The following SNX29 variants were observed in gnomAD, a reference collection of about 807,000 sequenced individuals.
SNX29 encodes the protein sorting nexin 29.
A neutral mutation model predicts 102.1 loss-of-function variants in SNX29; 78 were observed. That is an observed-to-expected ratio of 0.76 (90% confidence interval 0.64 to 0.92). The LOEUF is 0.92. SNX29 is among the 40% of genes least tolerant of loss of function. The pLI is 0.00. For missense variants in SNX29, 1,280 were observed against 1,061.7 expected, an observed-to-expected ratio of 1.21 and a Z score of -2.86; for synonymous variants, 580 against 414.5, an observed-to-expected ratio of 1.40 and a Z score of -4.85.
chr16:12,425,074 G>C (rs1288026550), intron 18 of SNX29, among the ~76,000 whole-genome samples: 2 of 152,204 alleles, frequency 1.3e-5, no homozygotes, highest in African/African-American at 4.8e-5. Flanking sequence ...AAAGAAACTA[G>C]GTACAAAAAG....
At chr16:12,537,070 T>G (rs1021918951) in intron 20 of SNX29, among the ~76,000 whole-genome samples, 2 of 152,194 alleles carry the variant, frequency 1.3e-5, no homozygotes, top group African/African-American at 4.8e-5. Flanking sequence ...GGAGACGATG[T>G]AGATTTATCC....
At chr16:12,543,905 G>T (rs2077461807) in intron 20 of SNX29, among the ~76,000 whole-genome samples, 1 of 152,210 alleles carries the variant, frequency 6.6e-6, no homozygotes, top group South Asian at 2.1e-4. Context: ...CTTCATCCTG[G>T]ATTGCCGAAG....
chr16:12,380,842 CCCACCATCTATCCATCCA>C (rs1567503375), intron 16 of SNX29, among the ~76,000 whole-genome samples: 1 of 53,006 alleles, frequency 1.9e-5, no homozygotes, highest in Non-Finnish European at 5.2e-5. Context: ...CACCCACCCA[CCCACCATCTATCCATCCA>C]CCCACCATCT....
intron 18 of SNX29, among the ~76,000 whole-genome samples, chr16:12,417,344 C>G (rs972391464): frequency 8.5e-5 from 13 of 152,196 alleles, no homozygotes; most frequent in South Asian, 2.1e-4. Flanking sequence ...CCGCCTCTGT[C>G]CAGGTGTCTT....
chr16:12,060,144 C>CA (rs201847438), intron 8 of SNX29, among the ~76,000 whole-genome samples: 24,586 of 149,952 alleles, frequency 0.16, 2,618 homozygotes, highest in East Asian at 0.43. Flanking sequence ...AAAATATTAC[C>CA]AAAAAAAAAC....
At chr16:12,503,949 T>G (rs953721086) in intron 19 of SNX29, among the ~76,000 whole-genome samples, 1 of 152,214 alleles carries the variant, frequency 6.6e-6, no homozygotes, top group Admixed American at 6.5e-5. Context: ...CACAAGTCAG[T>G]GGCTCTTAGT....
At chr16:12,162,881 CT>C (rs1315061631) in intron 13 of SNX29, among the ~76,000 whole-genome samples, 1 of 152,016 alleles carries the variant, frequency 6.6e-6, no homozygotes, top group Non-Finnish European at 1.5e-5. Context: ...ATAGTTGTTG[CT>C]TTGTTTTTCT....
At chr16:12,083,317 A>C (rs1222522156) in intron 11 of SNX29, among the ~76,000 whole-genome samples, 4 of 151,774 alleles carry the variant, frequency 2.6e-5, no homozygotes, top group East Asian at 1.9e-4. Context: ...AAAAAAAAAA[A>C]AACCCCTCAA....
Position 12,569,188 on chromosome 16 carries a change from C to CTGGCACTG in SNX29, c.*561_*568dup. On this transcript the variant is annotated 3_prime_UTR_variant, in exon 21 of 21. Transcript: ENST00000566228. ...TTTTCCACCAACAGTCATTAGACAC[C>CTGGCACTG]TGGCACTGTCACAGCTCACTTTTCC... 4.6e-6 allele frequency: 1 copy of CTGGCACTG among 216,928 alleles called. No homozygotes were observed. The highest frequency in any genetic ancestry group is 9.2e-6 in the Non-Finnish European group (1 of 108,800). 13.4% of individuals were successfully genotyped at this position (216,928 alleles called of 1,614,324 possible).
chr16:12,309,409 C>T (rs1485319515), intron 15 of SNX29, among the ~76,000 whole-genome samples: 1 of 152,180 alleles, frequency 6.6e-6, no homozygotes, highest in Admixed American at 6.5e-5. Flanking sequence ...CCTCTGGAAG[C>T]CCTTCTTCCC....
intron 19 of SNX29, among the ~76,000 whole-genome samples, chr16:12,508,821 GC>G (rs1374111184): frequency 6.6e-6 from 1 of 152,122 alleles, no homozygotes; most frequent in Non-Finnish European, 1.5e-5. Flanking sequence ...TTCCTCCCCA[GC>G]CATGTCCTAC....
intron 13 of SNX29, among the ~76,000 whole-genome samples, chr16:12,173,407 C>T (rs567884432): frequency 1.3e-5 from 2 of 152,326 alleles, no homozygotes; most frequent in African/African-American, 4.8e-5. Flanking sequence ...ACTGTATGCT[C>T]TAATGGCATG....
At chr16:12,400,559 T>A (rs1458125265) in intron 17 of SNX29, among the ~76,000 whole-genome samples, 3 of 152,184 alleles carry the variant, frequency 2.0e-5, no homozygotes, top group African/African-American at 7.2e-5. Context: ...TAAATATCCC[T>A]TAAAGCCTGG....
intron 11 of SNX29, among the ~76,000 whole-genome samples, chr16:12,097,196 A>C (rs1475774342): frequency 2.0e-5 from 3 of 152,228 alleles, no homozygotes; most frequent in African/African-American, 7.2e-5. Context: ...TAACTCACGC[A>C]TGTCTGCGAT....
intron 20 of SNX29, among the ~76,000 whole-genome samples, chr16:12,534,407 CTG>C (rs2077014838): frequency 6.6e-6 from 1 of 152,226 alleles, no homozygotes. Context: ...TTCTTGTCCT[CTG>C]TGTAGCCAGC....
chr16:12,310,073 C>G (rs1008275625), intron 15 of SNX29, among the ~76,000 whole-genome samples: 2 of 151,576 alleles, frequency 1.3e-5, no homozygotes, highest in Non-Finnish European at 2.9e-5. Flanking sequence ...CACGCACATA[C>G]ATACACATGT....
chr16:12,548,759 ATC>A (rs1478352253), intron 20 of SNX29, among the ~76,000 whole-genome samples: 1 of 152,144 alleles, frequency 6.6e-6, no homozygotes, highest in Admixed American at 6.5e-5. Flanking sequence ...TGCTGAGCTC[ATC>A]TCTCATCCCC....
At chr16:12,440,417 A>T (rs1430510219) in intron 18 of SNX29, among the ~76,000 whole-genome samples, 2 of 152,124 alleles carry the variant, frequency 1.3e-5, no homozygotes, top group Admixed American at 6.5e-5. Flanking sequence ...TAGCCCTTGG[A>T]AGCCAGTAAT....
At chr16:12,217,117 T>C (rs2077344772) in intron 14 of SNX29, among the ~76,000 whole-genome samples, 2 of 152,318 alleles carry the variant, frequency 1.3e-5, no homozygotes, top group South Asian at 4.1e-4. Context: ...CATCCTTGAC[T>C]TCCCAGGCTC....
Sources: gnomAD v4.1 joint callset for allele counts (sites outside exome capture counted in the v4.1 genomes callset) on GRCh38, gnomAD v4.1.1 for gene constraint, MANE v1.5 for transcripts, NCBI Gene and HGNC (gene_info 2026-07-23, HGNC 2026-07-21) for gene names.